The following MBNL2 variants were observed in gnomAD, a reference collection of about 807,000 sequenced individuals.
The protein encoded by MBNL2 is muscleblind like splicing regulator 2.
MBNL2 carries 17 observed loss-of-function variants against 41.9 expected under a neutral mutation model. That is an observed-to-expected ratio of 0.41 (90% confidence interval 0.28 to 0.61). The LOEUF is 0.61. Ranked by LOEUF, MBNL2 falls within the 20% of genes least tolerant of loss-of-function variation. The pLI is 0.35. For missense variants in MBNL2, 336 were observed against 505.6 expected, an observed-to-expected ratio of 0.66 and a Z score of 3.22; for synonymous variants, 195 against 182.9, an observed-to-expected ratio of 1.07 and a Z score of -0.53.
chr13:97,317,232 C>T (rs747852235), intron 2 of MBNL2, among the ~76,000 whole-genome samples: 19 of 152,234 alleles, frequency 1.2e-4, no homozygotes, highest in Non-Finnish European at 2.4e-4. Context: ...GTTCCAGGGC[C>T]GGGGATCATA....
At position 97,346,787 on chromosome 13, in the gene MBNL2, C is replaced by G. The variant is rs1345625771; in HGVS notation, c.541-17C>G. On this transcript the variant is annotated splice_polypyrimidine_tract_variant and intron_variant, in intron 4 of 8. Transcript: ENST00000679496. This position sits in a 1 kb window ranked among gnomAD's most constrained non-coding sequence, Gnocchi z 4.2. ...TCAGGCTTGCCTCTGCAGCGCGGCT[C>G]TTCTTCCCTGTCTTAGGTATGCAGG... 5 of 1,612,344 alleles carry G rather than the reference C, an allele frequency of 3.1e-6. No individual in the cohort carries two copies. Among genetic ancestry groups the G allele is most frequent in the Non-Finnish European group, 3.4e-6 (4 of 1,178,896 alleles).
the MBNL2 span, among the ~76,000 whole-genome samples, chr13:97,158,374 G>C: frequency 6.6e-6 from 1 of 151,998 alleles, no homozygotes; most frequent in Middle Eastern, 3.4e-3. Context: ...TTTTTGAAGG[G>C]TTTTTTGTGT....
At chr13:97,142,022 A>G in the MBNL2 span, among the ~76,000 whole-genome samples, 4 of 152,162 alleles carry the variant, frequency 2.6e-5, no homozygotes, top group African/African-American at 9.7e-5. Context: ...AACCAGAGAG[A>G]AGGTTAATTT....
chr13:97,298,220 T>G (rs953896064), intron 2 of MBNL2, among the ~76,000 whole-genome samples: 4 of 151,770 alleles, frequency 2.6e-5, no homozygotes, highest in Admixed American at 6.6e-5. Context: ...AATAAAAAAA[T>G]TCTTAAAACA....
At chr13:97,230,739 A>G (rs760613805) in intron 1 of MBNL2, among the ~76,000 whole-genome samples, 3 of 152,250 alleles carry the variant, frequency 2.0e-5, no homozygotes, top group Non-Finnish European at 4.4e-5. Context: ...ATTCCATAAG[A>G]AAACAGTGTA....
At chr13:97,222,554 T>C (rs2040961133) in intron 1 of MBNL2, 23 bp downstream of exon 1, 1 of 398,244 alleles carries the variant, frequency 2.5e-6, no homozygotes, top group East Asian at 3.6e-5. Context: ...CCCCCCTTTT[T>C]TGAATGTTTA....
the MBNL2 span, among the ~76,000 whole-genome samples, chr13:97,153,096 C>A: frequency 6.6e-6 from 1 of 152,060 alleles, no homozygotes; most frequent in African/African-American, 2.4e-5. Context: ...CCAAGCAGCA[C>A]CCCTCCAAAT....
chr13:97,219,008 TA>T (rs758525482), upstream of MBNL2, among the ~76,000 whole-genome samples: 8 of 151,966 alleles, frequency 5.3e-5, no homozygotes, highest in Non-Finnish European at 1.0e-4. Context: ...TCCCCTGTAA[TA>T]AGTGCTATGA....
intron 5 of MBNL2, among the ~76,000 whole-genome samples, chr13:97,356,162 A>T (rs938983401): frequency 1.3e-5 from 2 of 152,216 alleles, no homozygotes; most frequent in African/African-American, 4.8e-5. Context: ...GAATTGAGAC[A>T]ATTATCCACA....
chr13:97,276,900 G>A (rs7320723), intron 2 of MBNL2, among the ~76,000 whole-genome samples: 32,166 of 151,376 alleles, frequency 0.21, 6,159 homozygotes, highest in African/African-American at 0.52. Context: ...TTAAGTACAC[G>A]CTCAATACTC....
chr13:97,186,323 T>A, the MBNL2 span, among the ~76,000 whole-genome samples: 2 of 152,208 alleles, frequency 1.3e-5, no homozygotes, highest in African/African-American at 4.8e-5. Context: ...TCCTGGTTAC[T>A]GGCAACACCT....
intron 5 of MBNL2, among the ~76,000 whole-genome samples, chr13:97,355,170 A>T (rs186433252): frequency 2.0e-5 from 3 of 152,236 alleles, no homozygotes; most frequent in Admixed American, 2.0e-4. Flanking sequence ...TACTTTCACA[A>T]CATTGATTTC....
intron 4 of MBNL2, among the ~76,000 whole-genome samples, chr13:97,343,485 T>C (rs2061588191): frequency 6.6e-6 from 1 of 152,152 alleles, no homozygotes; most frequent in African/African-American, 2.4e-5. Flanking sequence ...AAACAATCAA[T>C]GGAACAGTGA....
chr13:97,163,177 G>A, the MBNL2 span, among the ~76,000 whole-genome samples: 4 of 152,294 alleles, frequency 2.6e-5, no homozygotes, highest in South Asian at 2.1e-4. Context: ...CCGGCTTGAA[G>A]GATAACATCT....
chr13:97,225,707 T>A (rs77567144), intron 1 of MBNL2, among the ~76,000 whole-genome samples: 3,806 of 152,180 alleles, frequency 0.025, 154 homozygotes, highest in African/African-American at 0.08. Flanking sequence ...CAAGCACAGA[T>A]CCCTGGGGCA....
chr13:97,209,902 T>C, the MBNL2 span, among the ~76,000 whole-genome samples: 28 of 152,202 alleles, frequency 1.8e-4, no homozygotes, highest in African/African-American at 6.5e-4. Flanking sequence ...TTCAAGCAAT[T>C]CTCATGCCGC....
intron 8 of MBNL2, among the ~76,000 whole-genome samples, chr13:97,373,321 G>GA: frequency 6.6e-6 from 1 of 152,172 alleles, no homozygotes; most frequent in Middle Eastern, 3.4e-3. Flanking sequence ...GTAGAGGGGG[G>GA]ATTCAGGTTG....
chr13:97,157,233 C>G, the MBNL2 span, among the ~76,000 whole-genome samples: 1 of 140,384 alleles, frequency 7.1e-6, no homozygotes, highest in Non-Finnish European at 1.6e-5. Flanking sequence ...GTGATTTTTG[C>G]ACATTGATTT....
rs77561345 is a variant in MBNL2, at chr13:97,287,257, G to A, written c.174+10848G>A. ...ATTAAAATTCATGGATCGGCTTGTT[G>A]GGAAACTTCATCGTTCCCAAAAACT... On this transcript the variant is annotated intron_variant, in intron 2 of 8. Transcript: ENST00000679496. 4.0e-3 allele frequency among the ~76,000 whole-genome samples: 608 copies of A among 152,130 alleles called. 6 individuals are homozygous for A. The highest frequency in any genetic ancestry group is 0.014 in the African/African-American group (593 of 41,512).
Sources: gnomAD v4.1 joint callset for allele counts (sites outside exome capture counted in the v4.1 genomes callset) on GRCh38, gnomAD v4.1.1 for gene constraint, Gnocchi (gnomAD v3.1) non-coding constraint, MANE v1.5 for transcripts, NCBI Gene and HGNC (gene_info 2026-07-23, HGNC 2026-07-21) for gene names.